Variants in NPAS3 observed in about 807,000 individuals in gnomAD.
The protein encoded by NPAS3 is neuronal PAS domain-containing protein 3.
Under a neutral mutation model 73.1 loss-of-function variants are expected in NPAS3, and 14 were observed. The observed-to-expected ratio is 0.19, with a 90% confidence interval of 0.13 to 0.30. The LOEUF (loss-of-function observed/expected upper bound fraction) is 0.30. NPAS3 is among the 10% of genes least tolerant of loss of function. NPAS3 has a pLI of 1.00. For synonymous variants in NPAS3, 620 were observed against 541.5 expected (o/e 1.14, Z -2.01); for missense variants, 1,096 against 1,250.0 (o/e 0.88, Z 1.86).
chr14:33,542,646 T>C (rs1220843424), intron 4 of NPAS3, among the ~76,000 whole-genome samples: 2 of 152,072 alleles, frequency 1.3e-5, no homozygotes, highest in Admixed American at 6.6e-5. Context: ...AGAAGAAAAA[T>C]TAACTTAGGA....
At chr14:33,722,397 A>G (rs759104868) in intron 6 of NPAS3, among the ~76,000 whole-genome samples, 7 of 152,238 alleles carry the variant, frequency 4.6e-5, no homozygotes, top group Non-Finnish European at 8.8e-5. Context: ...ACTGCAAGCT[A>G]TATAAATGGA....
At chr14:33,478,863 C>G (rs1340927253) in intron 4 of NPAS3, among the ~76,000 whole-genome samples, 1 of 152,116 alleles carries the variant, frequency 6.6e-6, no homozygotes, top group African/African-American at 2.4e-5. Flanking sequence ...TACCCTGAGC[C>G]TTAATCTCAT....
chr14:33,785,075 A>T (rs1407352389), intron 9 of NPAS3, among the ~76,000 whole-genome samples: 3 of 151,692 alleles, frequency 2.0e-5, no homozygotes, highest in African/African-American at 7.3e-5. Flanking sequence ...TAGTTTTTTT[A>T]AAACCTTGTA....
intron 7 of NPAS3, 126 bp downstream of exon 7, chr14:33,735,458 C>G: frequency 1.4e-6 from 1 of 698,278 alleles, no homozygotes; most frequent in Admixed American, 2.1e-5. Context: ...CCATAGGATT[C>G]CCAGTCATCT....
intron 2 of NPAS3, among the ~76,000 whole-genome samples, chr14:33,170,668 G>T (rs963868567): frequency 3.3e-5 from 5 of 152,186 alleles, no homozygotes; most frequent in African/African-American, 1.2e-4. Context: ...TTCACCAGGA[G>T]TAAATTCCAT....
intron 3 of NPAS3, among the ~76,000 whole-genome samples, chr14:33,336,095 TA>T (rs1304938862): frequency 1.3e-5 from 2 of 152,234 alleles, no homozygotes; most frequent in Non-Finnish European, 2.9e-5. Context: ...TTTTGTCTTT[TA>T]TTATAGCCAT....
rs57147759 is a variant in NPAS3 at position 33,083,178 on chromosome 14, CAAAAAAAAAAAAAAAAA to C, written c.140+27204_140+27220del. ...AGCCTGGGTAATGGCGAGACTGTCT[CAAAAAAAAAAAAAAAAA>C]AAAAAAAAAAAAAAAAAAAGAAGGG... On this transcript the variant is annotated intron_variant, in intron 2 of 11. Transcript: ENST00000356141. 7.2e-4 allele frequency among the ~76,000 whole-genome samples: 47 copies of C among 65,018 alleles called. 6 individuals carry two copies. The highest frequency in any genetic ancestry group is 9.0e-4 in the African/African-American group (21 of 23,266). The allele number at this position is 65,018 out of a possible 152,430, so 42.7% of individuals were successfully genotyped here.
intron 3 of NPAS3, among the ~76,000 whole-genome samples, chr14:33,317,198 C>T (rs551273324): frequency 1.4e-4 from 21 of 152,050 alleles, no homozygotes; most frequent in Admixed American, 7.2e-4. Flanking sequence ...CTCTTCAGTG[C>T]TATTAATGAT....
intron 3 of NPAS3, among the ~76,000 whole-genome samples, chr14:33,276,935 T>G (rs979430069): frequency 2.0e-5 from 3 of 152,098 alleles, no homozygotes; most frequent in South Asian, 2.1e-4. Flanking sequence ...CAAACACTCA[T>G]AGAGTGCCTA....
At chr14:33,351,832 G>C (rs1023591366) in intron 3 of NPAS3, among the ~76,000 whole-genome samples, 15 of 152,282 alleles carry the variant, frequency 9.9e-5, no homozygotes, top group South Asian at 8.3e-4. Context: ...TCACTCATAA[G>C]TGGGAGTTGA....
At chr14:33,466,228 G>T (rs1169119692) in intron 4 of NPAS3, among the ~76,000 whole-genome samples, 1 of 152,166 alleles carries the variant, frequency 6.6e-6, no homozygotes, top group African/African-American at 2.4e-5. Context: ...GGCAGGGCTA[G>T]AAACCAGGTT....
intron 2 of NPAS3, among the ~76,000 whole-genome samples, chr14:33,059,374 A>G (rs536817388): frequency 2.0e-5 from 3 of 152,260 alleles, no homozygotes; most frequent in African/African-American, 7.2e-5. Context: ...AATTAGTTCC[A>G]AATAATAGTA....
chr14:33,494,112 A>G lies in NPAS3; in HGVS notation c.469-66009A>G, dbSNP rs73265066. On this transcript the variant is annotated intron_variant, in intron 4 of 11. Coordinates refer to ENST00000356141, the Ensembl canonical transcript of NPAS3. ...AGTGTCCTACATACAATACATTGTA[A>G]TGGCTCCAAATTATATTGTGTCAGC... Among the ~76,000 whole-genome samples the G allele has an allele frequency of 7.2e-3, 1,099 of 152,228 alleles. 12 individuals are homozygous for G. The highest frequency in any genetic ancestry group is 0.025 in the African/African-American group (1,032 of 41,552).
intron 6 of NPAS3, among the ~76,000 whole-genome samples, chr14:33,713,418 AG>A (rs1171812483): frequency 6.6e-6 from 1 of 152,128 alleles, no homozygotes; most frequent in African/African-American, 2.4e-5. Flanking sequence ...TTGAGGGAGG[AG>A]GGGGTCTCCT....
intron 5 of NPAS3, among the ~76,000 whole-genome samples, chr14:33,642,433 C>T: frequency 6.6e-6 from 1 of 152,182 alleles, no homozygotes; most frequent in East Asian, 1.9e-4. Flanking sequence ...GGCTGGGGAT[C>T]AGAAGGGAGA....
intron 3 of NPAS3, among the ~76,000 whole-genome samples, chr14:33,234,990 G>T (rs1398088743): frequency 1.3e-5 from 2 of 151,932 alleles, no homozygotes; most frequent in African/African-American, 4.8e-5. Flanking sequence ...CATTTAAATT[G>T]TATGTTACAA....
intron 4 of NPAS3, among the ~76,000 whole-genome samples, chr14:33,446,001 C>T (rs10147789): frequency 0.26 from 38,573 of 149,720 alleles, 5,504 homozygotes; most frequent in East Asian, 0.61. Context: ...GTTTTTGTGG[C>T]TTTAGTGAAA....
upstream of NPAS3, among the ~76,000 whole-genome samples, chr14:32,937,809 C>T (rs565795510): frequency 2.0e-5 from 3 of 152,282 alleles, no homozygotes; most frequent in East Asian, 5.8e-4. Context: ...CTTTGGGAGT[C>T]CTTTCTACTT....
chr14:33,557,830 G>T (rs1051862919), intron 4 of NPAS3, among the ~76,000 whole-genome samples: 17 of 152,174 alleles, frequency 1.1e-4, no homozygotes, highest in African/African-American at 4.1e-4. Flanking sequence ...TTAGCCAGGC[G>T]TGGTGGCGGG....
Sources: gnomAD v4.1 joint callset for allele counts (sites outside exome capture counted in the v4.1 genomes callset) on GRCh38, gnomAD v4.1.1 for gene constraint, MANE v1.5 for transcripts, NCBI Gene and HGNC (gene_info 2026-07-23, HGNC 2026-07-21) for gene names.